Variants in DCDC1 observed in about 807,000 individuals in gnomAD.
DCDC1 encodes the protein doublecortin domain containing 1, also known as doublecortin domain-containing protein 1.
A neutral mutation model predicts 178.3 loss-of-function variants in DCDC1; 200 were observed. That is an observed-to-expected ratio of 1.12 (90% CI 1.00 to 1.26). DCDC1 has a LOEUF of 1.26. Ranked by LOEUF, DCDC1 falls within the 50% of genes most tolerant of loss-of-function variation. DCDC1 has a pLI of 0.00. For missense variants in DCDC1, 1,983 were observed against 1,749.2 expected, an observed-to-expected ratio of 1.13 and a Z score of -2.38; for synonymous variants, 690 against 604.8, an observed-to-expected ratio of 1.14 and a Z score of -2.07.
chr11:30,990,709 T>C (rs1185676687), intron 20 of DCDC1, among the ~76,000 whole-genome samples: 1 of 152,236 alleles, frequency 6.6e-6, no homozygotes, highest in Non-Finnish European at 1.5e-5. Context: ...GCACGTGTGT[T>C]TTATAATACA....
intron 20 of DCDC1, among the ~76,000 whole-genome samples, chr11:31,020,684 T>G (rs918486438): frequency 5.9e-5 from 9 of 152,220 alleles, no homozygotes; most frequent in Admixed American, 2.6e-4. Context: ...CCATCCTCCC[T>G]CCTTGGCCTC....
At chr11:31,240,389 A>G (rs929431558) in intron 9 of DCDC1, among the ~76,000 whole-genome samples, 1 of 152,024 alleles carries the variant, frequency 6.6e-6, no homozygotes, top group Non-Finnish European at 1.5e-5. Flanking sequence ...GAGACAAACC[A>G]AACACATTTT....
chr11:31,348,106 C>T (rs1950901343), intron 1 of DCDC1, among the ~76,000 whole-genome samples: 1 of 152,158 alleles, frequency 6.6e-6, no homozygotes, highest in Admixed American at 6.5e-5. Flanking sequence ...TCTCAAACTA[C>T]TTGCTTACTC....
intron 30 of DCDC1, 135 bp from the exon 31 acceptor site, chr11:30,905,299 A>T (rs1944983227): frequency 1.1e-6 from 1 of 932,780 alleles, no homozygotes; most frequent in Admixed American, 2.8e-5. Flanking sequence ...TGTTTTATAG[A>T]TATTGAATAC....
In DCDC1 at chr11:30,903,637, G is replaced by C. The variant is rs150546314; in HGVS notation, c.4355C>G (p.Ser1452Cys). Residue 1452 changes from serine to cysteine, a missense_variant, in exon 32 of 39, where the codon TCC (serine) becomes TGC (cysteine). Ser to Cys is a moderately radical substitution (Grantham distance 112). Coordinates refer to ENST00000684477, the MANE Select transcript of DCDC1 (RefSeq NM_001387274.1). ...GGTTCCATCTTTGGTATATACTTTGGAGGCTGCTCTGGCAAGCCCAAGTTG... is the reference window on the plus strand; with the variant it reads ...GGTTCCATCTTTGGTATATACTTTGCAGGCTGCTCTGGCAAGCCCAAGTTG... ...TEQLGLARAA[S>C]KVYTKDGTPI... 1 of 1,610,652 alleles carries C rather than the reference G, an allele frequency of 6.2e-7. No homozygotes were observed. Among genetic ancestry groups the C allele is most frequent in the African/African-American group, 1.3e-5 (1 of 74,860 alleles).
chr11:30,880,780 C>A (rs1310402763), intron 37 of DCDC1, among the ~76,000 whole-genome samples: 2 of 152,068 alleles, frequency 1.3e-5, no homozygotes, highest in Non-Finnish European at 2.9e-5. Context: ...AGAAAAGAAA[C>A]TGCAAACCAC....
chr11:31,311,845 C>A (rs1362093188), intron 3 of DCDC1, among the ~76,000 whole-genome samples: 3 of 152,192 alleles, frequency 2.0e-5, no homozygotes, highest in Middle Eastern at 3.2e-3. Flanking sequence ...CTGAAAGTAT[C>A]TCCTATGTCC....
intron 9 of DCDC1, among the ~76,000 whole-genome samples, chr11:31,149,035 C>T (rs143500244): frequency 5.9e-5 from 9 of 152,290 alleles, no homozygotes; most frequent in African/African-American, 2.2e-4. Context: ...AGAATAATGG[C>T]CTCCAGCTCC....
At chr11:31,353,063 A>C (rs1951156694) in intron 1 of DCDC1, among the ~76,000 whole-genome samples, 2 of 152,198 alleles carry the variant, frequency 1.3e-5, no homozygotes, top group Admixed American at 1.3e-4. Context: ...TGCACTTACA[A>C]ACATATATGC....
intron 20 of DCDC1, among the ~76,000 whole-genome samples, chr11:31,017,635 AG>A (rs1952571101): frequency 6.6e-6 from 1 of 150,912 alleles, no homozygotes; most frequent in African/African-American, 2.4e-5. Context: ...GCTGGAGTGC[AG>A]TGGCAGAATC....
Position 31,338,386 on chromosome 11 carries a change from G to A in DCDC1, c.-124-2822C>T, listed in dbSNP as rs117953174. On this transcript the variant is annotated intron_variant, in intron 1 of 38. Transcript: ENST00000684477. Reference sequence around the variant, plus strand: ...CTAGATTCTGAGCCATATTCAAATGGATCATATTTGGGGGTTCACATACAT... The same window carrying A: ...CTAGATTCTGAGCCATATTCAAATGAATCATATTTGGGGGTTCACATACAT... 4.4e-3 allele frequency among the ~76,000 whole-genome samples: 663 copies of A among 152,258 alleles called. 4 individuals are homozygous for A. Among genetic ancestry groups the A allele is most frequent in the Non-Finnish European group, 6.6e-3 (447 of 68,014 alleles).
intron 1 of DCDC1, among the ~76,000 whole-genome samples, chr11:31,358,524 A>G (rs1325727525): frequency 5.1e-4 from 77 of 151,860 alleles, no homozygotes; most frequent in South Asian, 1.9e-3. Flanking sequence ...GGACATAGGC[A>G]TGGGCAAGGA....
At chr11:31,285,165 T>TA (rs1483100349) in intron 7 of DCDC1, among the ~76,000 whole-genome samples, 1 of 152,004 alleles carries the variant, frequency 6.6e-6, no homozygotes, top group African/African-American at 2.4e-5. Flanking sequence ...AAATTCACAT[T>TA]AAATAATGAA....
intron 6 of DCDC1, among the ~76,000 whole-genome samples, chr11:31,294,631 A>AGGGG (rs1947482714): frequency 1.0e-3 from 1 of 996 alleles, no homozygotes; most frequent in Non-Finnish European, 1.7e-3. Context: ...GAGGGGAGGG[A>AGGGG]GGGAAGGGGA....
Position 30,976,537 on chromosome 11 carries a change from T to TA in DCDC1, c.2592-23970dup, listed in dbSNP as rs375485167. Among the ~76,000 whole-genome samples, 947 of 142,930 alleles carry TA rather than the reference T, an allele frequency of 6.6e-3. 5 individuals carry two copies. The highest frequency in any genetic ancestry group is 0.017 in the African/African-American group (654 of 39,270). The allele number at this position is 142,930 out of a possible 152,430, so 93.8% of individuals were successfully genotyped here. A position where few individuals can be genotyped will look rare whatever the true frequency, so the allele number is the denominator to read the frequency against. ...AGTGGGCAAAGAATGTGAATAGACT[T>TA]AAAAAAAAAAAGACATACAGATGGC... On this transcript the variant is annotated intron_variant, in intron 20 of 38. Transcript: ENST00000684477.
At chr11:31,043,050 A>T (rs1271320724) in intron 20 of DCDC1, among the ~76,000 whole-genome samples, 1 of 152,226 alleles carries the variant, frequency 6.6e-6, no homozygotes, top group Non-Finnish European at 1.5e-5. Context: ...CATCTAGGCT[A>T]TATGGTATAG....
intron 20 of DCDC1, among the ~76,000 whole-genome samples, chr11:31,014,307 A>G (rs960966395): frequency 1.3e-5 from 2 of 151,474 alleles, no homozygotes; most frequent in Admixed American, 1.3e-4. Context: ...CAGCTGAAAT[A>G]CCATTACAAG....
intron 20 of DCDC1, among the ~76,000 whole-genome samples, chr11:30,956,242 C>T (rs916373253): frequency 3.9e-5 from 6 of 152,088 alleles, no homozygotes; most frequent in Admixed American, 2.0e-4. Flanking sequence ...AGCTATGTTG[C>T]CCATGCTGGT....
At chr11:30,964,482 A>G (rs1949307495) in intron 20 of DCDC1, among the ~76,000 whole-genome samples, 1 of 152,102 alleles carries the variant, frequency 6.6e-6, no homozygotes, top group Non-Finnish European at 1.5e-5. Flanking sequence ...CAATGCTGTT[A>G]ACATAATTAC....
Sources: gnomAD v4.1 joint callset for allele counts (sites outside exome capture counted in the v4.1 genomes callset) on GRCh38, gnomAD v4.1.1 for gene constraint, MANE v1.5 for transcripts, NCBI Gene and HGNC (gene_info 2026-07-23, HGNC 2026-07-21) for gene names.